BCL2: variants seen among roughly 807,000 people sequenced by gnomAD.
BCL2 encodes BCL2 apoptosis regulator.
A neutral mutation model predicts 14.2 loss-of-function variants in BCL2; 1 was observed. That is an observed-to-expected ratio of 0.07 (90% CI 0.02 to 0.33). BCL2 has a LOEUF of 0.33. BCL2 is among the 10% of genes least tolerant of loss of function. The pLI is 0.99. For missense variants in BCL2, 247 were observed against 305.9 expected, an observed-to-expected ratio of 0.81 and a Z score of 1.44; for synonymous variants, 151 against 137.2, an observed-to-expected ratio of 1.10 and a Z score of -0.70.
At chr18:63,249,815 T>C (rs1911255689) in intron 2 of BCL2, among the ~76,000 whole-genome samples, 1 of 151,738 alleles carries the variant, frequency 6.6e-6, no homozygotes, top group Non-Finnish European at 1.5e-5. Context: ...CATGACACGT[T>C]TGACTCACTA....
At chr18:63,215,573 G>A (rs1483745689) in intron 2 of BCL2, among the ~76,000 whole-genome samples, 1 of 152,202 alleles carries the variant, frequency 6.6e-6, no homozygotes, top group Non-Finnish European at 1.5e-5. Context: ...GAAGCATAAA[G>A]TATGGAAGGA....
intron 2 of BCL2, among the ~76,000 whole-genome samples, chr18:63,190,739 T>C (rs1008025073): frequency 5.9e-5 from 9 of 152,052 alleles, no homozygotes; most frequent in South Asian, 2.1e-4. Flanking sequence ...ATGTGCACCA[T>C]GTACAGGCTT....
intron 2 of BCL2, among the ~76,000 whole-genome samples, chr18:63,214,118 AT>A (rs1480054194): frequency 6.6e-6 from 1 of 152,192 alleles, no homozygotes; most frequent in Non-Finnish European, 1.5e-5. Context: ...CCTTTTTGTG[AT>A]AAAGCTAAGA....
chr18:63,160,293 G>A (rs1238922922), intron 2 of BCL2, among the ~76,000 whole-genome samples: 2 of 152,248 alleles, frequency 1.3e-5, no homozygotes, highest in Admixed American at 6.5e-5. Context: ...ATTGGGTCCT[G>A]TTATGAAATG....
intron 2 of BCL2, among the ~76,000 whole-genome samples, chr18:63,278,969 A>G (rs1271589153): frequency 6.6e-6 from 1 of 152,178 alleles, no homozygotes; most frequent in Non-Finnish European, 1.5e-5. Context: ...AATGTGGCTG[A>G]GTTGATTGGA....
At chr18:63,136,119 T>C (rs182156294) in intron 2 of BCL2, among the ~76,000 whole-genome samples, 1 of 152,318 alleles carries the variant, frequency 6.6e-6, no homozygotes, top group Admixed American at 6.5e-5. Context: ...TTCTGATAAG[T>C]TCTCGATGCT....
chr18:63,294,754 A>T (rs981269296), intron 2 of BCL2, among the ~76,000 whole-genome samples: 1 of 152,218 alleles, frequency 6.6e-6, no homozygotes, highest in East Asian at 1.9e-4. Context: ...AAGGTATAAG[A>T]CAGGGAAAAT....
intron 2 of BCL2, among the ~76,000 whole-genome samples, chr18:63,308,527 C>T (rs1167039000): frequency 1.3e-5 from 2 of 152,096 alleles, no homozygotes; most frequent in African/African-American, 2.4e-5. Context: ...CTACAACCTT[C>T]GTATAAACAG....
intron 2 of BCL2, among the ~76,000 whole-genome samples, chr18:63,288,872 G>C (rs1173377427): frequency 6.6e-6 from 1 of 152,156 alleles, no homozygotes; most frequent in Non-Finnish European, 1.5e-5. Flanking sequence ...TGAGTCTAAG[G>C]AAGAATCTAG....
intron 2 of BCL2, among the ~76,000 whole-genome samples, chr18:63,131,748 A>C (rs1464362821): frequency 6.6e-6 from 1 of 152,202 alleles, no homozygotes. Flanking sequence ...TTTAGTAATC[A>C]ACAGAGTTTT....
chr18:63,232,214 A>G (rs1241758011), intron 2 of BCL2, among the ~76,000 whole-genome samples: 1 of 152,120 alleles, frequency 6.6e-6, no homozygotes, highest in East Asian at 1.9e-4. Flanking sequence ...TGTTTTTTAG[A>G]CACTATTTTT....
In BCL2 at chr18:63,209,358, C is replaced by T. The variant is rs937284759; in HGVS notation, c.586-80599G>A. 5.3e-5 allele frequency among the ~76,000 whole-genome samples: 8 copies of T among 152,150 alleles called. No individual in the cohort carries two copies. In the East Asian group the frequency reaches 5.8e-4, roughly 11 times the overall value. On this transcript the variant is annotated intron_variant, in intron 2 of 2. Coordinates refer to ENST00000333681, the MANE Select transcript of BCL2 (RefSeq NM_000633.3). ...TGTCCGCCTATGTCATTTCTAGGAA[C>T]GCCATGAGGACAGGGTTGGAAGTGG... is the stretch of plus-strand genomic sequence containing the variant.
At chr18:63,311,887 T>C (rs1454170899) in intron 2 of BCL2, among the ~76,000 whole-genome samples, 1 of 152,346 alleles carries the variant, frequency 6.6e-6, no homozygotes, top group South Asian at 2.1e-4. Context: ...TTTGGGGAAG[T>C]AGTCCTTACC....
intron 2 of BCL2, among the ~76,000 whole-genome samples, chr18:63,258,791 AAC>A (rs1465171602): frequency 6.6e-6 from 1 of 152,182 alleles, no homozygotes; most frequent in African/African-American, 2.4e-5. Context: ...CTCAAAATCA[AAC>A]ACAAATTATT....
At chr18:63,221,418 G>A (rs1403630795) in intron 2 of BCL2, among the ~76,000 whole-genome samples, 3 of 151,840 alleles carry the variant, frequency 2.0e-5, no homozygotes, top group African/African-American at 4.8e-5. Context: ...AAGTTTGGGG[G>A]AAAAAAAGGG....
At chr18:63,130,090 A>G (rs1914025521) in intron 2 of BCL2, among the ~76,000 whole-genome samples, 1 of 152,206 alleles carries the variant, frequency 6.6e-6, no homozygotes, top group African/African-American at 2.4e-5. Context: ...TGAGCAAATC[A>G]CCAATTGCTC....
At chr18:63,263,291 T>A (rs1911715891) in intron 2 of BCL2, among the ~76,000 whole-genome samples, 1 of 152,186 alleles carries the variant, frequency 6.6e-6, no homozygotes, top group Non-Finnish European at 1.5e-5. Flanking sequence ...AATTAACGCT[T>A]TGGGCTCAGA....
intron 2 of BCL2, among the ~76,000 whole-genome samples, chr18:63,226,571 G>A (rs1350596685): frequency 6.6e-6 from 1 of 152,118 alleles, no homozygotes; most frequent in Admixed American, 6.5e-5. Context: ...CATTTATCTG[G>A]AGATTATCCT....
intron 2 of BCL2, among the ~76,000 whole-genome samples, chr18:63,310,925 T>C (rs1189013543): frequency 1.3e-5 from 2 of 152,212 alleles, no homozygotes; most frequent in African/African-American, 4.8e-5. Context: ...AGTGTGTGTG[T>C]TTTTAAAGAT....
Sources: gnomAD v4.1 joint callset for allele counts (sites outside exome capture counted in the v4.1 genomes callset) on GRCh38, gnomAD v4.1.1 for gene constraint, MANE v1.5 for transcripts, NCBI Gene and HGNC (gene_info 2026-07-23, HGNC 2026-07-21) for gene names.